Variants in KCNG3 observed in about 807,000 individuals in gnomAD.
The protein encoded by KCNG3 is potassium voltage-gated channel modifier subfamily G member 3.
KCNG3 carries 15 observed loss-of-function variants against 29.0 expected under a neutral mutation model. That is an observed-to-expected ratio of 0.52 (90% CI 0.35 to 0.80). The LOEUF (loss-of-function observed/expected upper bound fraction) is 0.80. Among genes scored for constraint, KCNG3 ranks in the 30% least tolerant of loss-of-function variants. KCNG3 has a pLI of 0.01. For synonymous variants in KCNG3, 322 were observed against 248.9 expected, an observed-to-expected ratio of 1.29 and a Z score of -2.76; for missense variants, 512 against 605.7, an observed-to-expected ratio of 0.85 and a Z score of 1.62.
At chr2:42,399,062 T>C in the KCNG3 span, among the ~76,000 whole-genome samples, 16 of 145,512 alleles carry the variant, frequency 1.1e-4, no homozygotes, top group South Asian at 1.1e-3. Context: ...TTTTCTTTTT[T>C]TTTTTTTTTT....
chr2:42,454,460 C>T (rs1190002996), intron 1 of KCNG3, among the ~76,000 whole-genome samples: 18 of 151,242 alleles, frequency 1.2e-4, no homozygotes, highest in Admixed American at 1.2e-3. Flanking sequence ...TCCTGTAATC[C>T]CAGCACTTTG....
chr2:42,410,523 T>C, the KCNG3 span, among the ~76,000 whole-genome samples: 94,596 of 151,890 alleles, frequency 0.62, 30,115 homozygotes, highest in East Asian at 0.77. Flanking sequence ...AGATTGAAAT[T>C]GCTTTTCTCT....
chr2:42,430,539 C>G, the KCNG3 span, among the ~76,000 whole-genome samples: 1 of 150,278 alleles, frequency 6.7e-6, no homozygotes, highest in Non-Finnish European at 1.5e-5. Context: ...CACTTGGGCC[C>G]GGGAGGTTTG....
chr2:42,399,002 G>A, the KCNG3 span, among the ~76,000 whole-genome samples: 1 of 151,234 alleles, frequency 6.6e-6, no homozygotes, highest in African/African-American at 2.4e-5. Flanking sequence ...TCATATCCCT[G>A]GCCCGTTTTT....
Position 42,443,959 on chromosome 2 carries a change from C to T in KCNG3, c.1286G>A (p.Ser429Asn). ...TTAATTCAGGAATTCAGTGGAGAGGCTCCTACTATACCTAGCAGATCTAAA... is the reference window on the plus strand; with the variant it reads ...TTAATTCAGGAATTCAGTGGAGAGGTTCCTACTATACCTAGCAGATCTAAA... Reference protein sequence around the residue: ...LKFRSARYSRSLSTEFLN With the variant: ...LKFRSARYSRNLSTEFLN The change falls in exon 2 of 2, where the codon AGC becomes AAC. Residue 429 changes from serine (S) to asparagine (N), a missense_variant. Physicochemically the swap from Ser to Asn is conservative, Grantham distance 46. Transcript: ENST00000306078. 3.1e-6 allele frequency: 5 copies of T among 1,611,114 alleles called. No individual in the cohort carries two copies. The highest frequency in any genetic ancestry group is 4.2e-6 in the Non-Finnish European group (5 of 1,178,648).
At chr2:42,455,399 T>C (rs1216992975) in intron 1 of KCNG3, among the ~76,000 whole-genome samples, 1 of 152,230 alleles carries the variant, frequency 6.6e-6, no homozygotes. Flanking sequence ...AGATTGTTCC[T>C]GTCATTAACA....
chr2:42,456,709 C>A (rs79854814), intron 1 of KCNG3, among the ~76,000 whole-genome samples: 2 of 152,106 alleles, frequency 1.3e-5, no homozygotes, highest in African/African-American at 2.4e-5. Flanking sequence ...CTTAACAACC[C>A]CAGGAGTGCC....
chr2:42,451,560 A>C (rs1672755004), intron 1 of KCNG3, among the ~76,000 whole-genome samples: 2 of 151,828 alleles, frequency 1.3e-5, no homozygotes, highest in Middle Eastern at 3.4e-3. Flanking sequence ...CCCCGTCTCT[A>C]CTAAAAATAC....
Position 42,472,980 on chromosome 2 carries a change from C to A in KCNG3, c.665+19857G>T, listed in dbSNP as rs1436803076. Among the ~76,000 whole-genome samples the A allele has an allele frequency of 8.1e-5, 12 of 148,504 alleles. 1 individual carries two copies. Among genetic ancestry groups the A allele is most frequent in the Admixed American group, 6.8e-5 (1 of 14,808 alleles). On this transcript the variant is annotated intron_variant, in intron 1 of 1. Transcript: ENST00000306078. ...GCAGTGGCGCAATCTCGGCTCACTGCAAGCTCCGCCTCCCAGGTTCACGCT... is the reference window on the plus strand; with the variant it reads ...GCAGTGGCGCAATCTCGGCTCACTGAAAGCTCCGCCTCCCAGGTTCACGCT...
chr2:42,408,923 C>T, the KCNG3 span, among the ~76,000 whole-genome samples: 1 of 152,082 alleles, frequency 6.6e-6, no homozygotes, highest in Non-Finnish European at 1.5e-5. Context: ...CCTGGTGTCT[C>T]CAAGTTTCTG....
At chr2:42,453,332 T>C (rs1294273904) in intron 1 of KCNG3, among the ~76,000 whole-genome samples, 5 of 152,178 alleles carry the variant, frequency 3.3e-5, no homozygotes, top group African/African-American at 4.8e-5. Flanking sequence ...GTATGAGGGA[T>C]CCCTTTTCTC....
chr2:42,459,399 T>C (rs566410904), intron 1 of KCNG3, among the ~76,000 whole-genome samples: 5 of 152,298 alleles, frequency 3.3e-5, no homozygotes, highest in African/African-American at 7.2e-5. Flanking sequence ...TCACCCTCCC[T>C]GCCTGGCAAG....
the KCNG3 span, among the ~76,000 whole-genome samples, chr2:42,429,156 A>G: frequency 6.6e-6 from 1 of 151,462 alleles, no homozygotes. Flanking sequence ...CAAAAAAAAA[A>G]CAGGCAAGAA....
intron 1 of KCNG3, among the ~76,000 whole-genome samples, chr2:42,492,337 C>T (rs1178634105): frequency 1.3e-5 from 2 of 152,132 alleles, no homozygotes; most frequent in Non-Finnish European, 2.9e-5. Context: ...TATAATATAA[C>T]GATTCCATTA....
chr2:42,483,898 C>T (rs13397323), intron 1 of KCNG3, among the ~76,000 whole-genome samples: 13,070 of 152,130 alleles, frequency 0.086, 658 homozygotes, highest in African/African-American at 0.14. Flanking sequence ...TTCAAGTGAT[C>T]CTCCTACCTC....
At chr2:42,430,780 AAAAC>A in the KCNG3 span, among the ~76,000 whole-genome samples, 21 of 152,046 alleles carry the variant, frequency 1.4e-4, no homozygotes, top group Non-Finnish European at 2.5e-4. Context: ...AACAAACAAA[AAAAC>A]AAACCAAAGA....
chr2:42,410,310 G>T, the KCNG3 span, among the ~76,000 whole-genome samples: 1 of 152,098 alleles, frequency 6.6e-6, no homozygotes, highest in Non-Finnish European at 1.5e-5. Flanking sequence ...TATATCTGTG[G>T]TATACATTAT....
At chr2:42,449,617 A>G (rs1389681209) in intron 1 of KCNG3, among the ~76,000 whole-genome samples, 1 of 150,530 alleles carries the variant, frequency 6.6e-6, no homozygotes, top group Non-Finnish European at 1.5e-5. Flanking sequence ...TCCCGGACTC[A>G]AGCAATTCTC....
chr2:42,460,870 T>C (rs1672997926), intron 1 of KCNG3, among the ~76,000 whole-genome samples: 1 of 152,022 alleles, frequency 6.6e-6, no homozygotes, highest in East Asian at 1.9e-4. Flanking sequence ...TCTTAACTGA[T>C]AAAAAGGTAG....
Sources: gnomAD v4.1 joint callset for allele counts (sites outside exome capture counted in the v4.1 genomes callset) on GRCh38, gnomAD v4.1.1 for gene constraint, MANE v1.5 for transcripts, NCBI Gene and HGNC (gene_info 2026-07-23, HGNC 2026-07-21) for gene names.